Variants in SHANK2 observed in about 807,000 individuals in gnomAD.
SHANK2 encodes SH3 and multiple ankyrin repeat domains 2.
In SHANK2, 43 loss-of-function variants were observed where a neutral mutation model predicts 133.7. The observed-to-expected ratio is 0.32, with a 90% CI of 0.25 to 0.41. The LOEUF (loss-of-function observed/expected upper bound fraction) is 0.41. Among genes scored for constraint, SHANK2 ranks in the 10% least tolerant of loss-of-function variants. The pLI, the probability that SHANK2 is intolerant of heterozygous loss-of-function variation, is 1.00. For synonymous variants in SHANK2, 1,017 were observed against 952.8 expected (o/e 1.07, Z -1.24); for missense variants, 1,994 against 2,235.8 (o/e 0.89, Z 2.18).
intron 14 of SHANK2, among the ~76,000 whole-genome samples, chr11:70,781,558 T>TATATATATATATATATATATA (rs1555045157): frequency 6.9e-5 from 2 of 28,968 alleles, no homozygotes; most frequent in African/African-American, 1.0e-4. Context: ...TACTTACTTA[T>TATATATATATATATATATATA]TATATATATA....
intron 2 of SHANK2, among the ~76,000 whole-genome samples, chr11:71,156,039 G>A (rs1590969505): frequency 2.0e-5 from 3 of 152,350 alleles, no homozygotes; most frequent in Admixed American, 2.0e-4. Context: ...CATGCGCACA[G>A]AGGGATGATC....
chr11:70,839,578 C>G (rs1235252812), intron 11 of SHANK2, among the ~76,000 whole-genome samples: 3 of 152,210 alleles, frequency 2.0e-5, no homozygotes, highest in South Asian at 4.1e-4. Flanking sequence ...TCCTTATACC[C>G]CATCAGGAAA....
intron 11 of SHANK2, among the ~76,000 whole-genome samples, chr11:70,876,468 G>A (rs1024556201): frequency 3.7e-4 from 56 of 151,386 alleles, no homozygotes; most frequent in African/African-American, 1.3e-3. Flanking sequence ...GCTGAGGCAG[G>A]AAGATGGCAT....
intron 15 of SHANK2, among the ~76,000 whole-genome samples, chr11:70,663,358 C>A (rs1409410103): frequency 6.6e-6 from 1 of 152,082 alleles, no homozygotes; most frequent in Non-Finnish European, 1.5e-5. Context: ...ACGGGGCAAA[C>A]GTGGATGACA....
At chr11:70,568,940 G>T (rs992865670) in intron 17 of SHANK2, among the ~76,000 whole-genome samples, 16 of 152,286 alleles carry the variant, frequency 1.1e-4, no homozygotes, top group African/African-American at 3.6e-4. Context: ...CAAGAGTGCA[G>T]CTGTGTGGCC....
intron 6 of SHANK2, among the ~76,000 whole-genome samples, chr11:71,094,906 A>G (rs563689007): frequency 6.6e-6 from 1 of 152,354 alleles, no homozygotes; most frequent in African/African-American, 2.4e-5. Flanking sequence ...CACGCGTACA[A>G]CACAGCGGTG....
chr11:70,824,911 T>C (rs782807029), intron 11 of SHANK2, among the ~76,000 whole-genome samples: 2 of 152,144 alleles, frequency 1.3e-5, no homozygotes, highest in Non-Finnish European at 2.9e-5. Context: ...GAAGACTGTA[T>C]TGGTGTGAGA....
chr11:70,502,753 C>CCCCAA, intron 18 of SHANK2, 43 bp downstream of exon 18: 1 of 1,390,686 alleles, frequency 7.2e-7, no homozygotes, highest in Admixed American at 2.1e-5. Flanking sequence ...CCCCCCCCCC[C>CCCCAA]AGTAGGGCCC....
At chr11:71,100,152 C>G (rs559777894) in intron 6 of SHANK2, among the ~76,000 whole-genome samples, 2 of 152,076 alleles carry the variant, frequency 1.3e-5, no homozygotes, top group South Asian at 4.2e-4. Context: ...CAGGAACTCT[C>G]ATCATTGCCA....
rs547707677 is a variant in SHANK2 at position 71,169,174 on chromosome 11, C to T, written c.-12-21836G>A. Among the ~76,000 whole-genome samples the T allele has an allele frequency of 5.3e-5, 8 of 152,244 alleles. No homozygotes were observed. In the South Asian group the frequency reaches 8.3e-4, roughly 16 times the overall value. On this transcript the variant is annotated intron_variant, in intron 2 of 25. Transcript: ENST00000601538. Reference sequence around the variant, plus strand: ...ACTTGGTTGGTTACAATGATGTGGTCGCCGTACTGGCTTATCCCATTGGAA... The same window carrying T: ...ACTTGGTTGGTTACAATGATGTGGTTGCCGTACTGGCTTATCCCATTGGAA...
chr11:70,696,479 C>T (rs1256824648), intron 15 of SHANK2, among the ~76,000 whole-genome samples: 3 of 152,206 alleles, frequency 2.0e-5, no homozygotes, highest in Non-Finnish European at 4.4e-5. Flanking sequence ...TCCACTTCTA[C>T]AGGCAGCCTT....
rs782101475 is a variant in SHANK2, at chr11:70,486,081, A to T, written c.4212T>A (p.Asp1404Glu). Residue 1404 changes from aspartate to glutamate, a missense_variant, in exon 25 of 26, where the codon GAT (aspartate) becomes GAA (glutamate). By Grantham distance (45) the Asp-to-Glu change is conservative (BLOSUM62 2). This residue lies in a region of SHANK2 where 797 missense variants were observed against 907.4 expected (regional missense o/e 0.88). Coordinates refer to ENST00000601538, the MANE Select transcript of SHANK2 (RefSeq NM_012309.5). The surrounding 1 kb of genome is among the most constrained non-coding windows in gnomAD (Gnocchi z 8.0). ...GAGGCAATGGCTCTGTAAAAATAAA[A>T]TCCTCATCCAAGTCCACGGATGCCA... ...PPLASVDLDE[D>E]FIFTEPLPPP... The T allele has an allele frequency of 6.2e-7, 1 of 1,614,016 alleles. No homozygotes were observed. The highest frequency in any genetic ancestry group is 1.1e-5 in the South Asian group (1 of 91,076).
intron 10 of SHANK2, among the ~76,000 whole-genome samples, chr11:70,903,998 A>G (rs956067687): frequency 1.3e-5 from 2 of 152,052 alleles, no homozygotes; most frequent in Non-Finnish European, 2.9e-5. Flanking sequence ...CAGACCCTCG[A>G]CCTGGTGCTT....
chr11:71,213,704 T>A (rs1591026240), intron 2 of SHANK2, among the ~76,000 whole-genome samples: 1 of 152,310 alleles, frequency 6.6e-6, no homozygotes, highest in East Asian at 1.9e-4. Flanking sequence ...CTGATCTTCC[T>A]TCTACAAACA....
intron 17 of SHANK2, among the ~76,000 whole-genome samples, chr11:70,607,806 G>A (rs538334333): frequency 1.3e-4 from 20 of 152,368 alleles, no homozygotes; most frequent in African/African-American, 4.3e-4. Context: ...GGCCAGTTCC[G>A]AGAGTTGGGG....
chr11:71,211,457 C>T (rs1248494397), intron 2 of SHANK2, among the ~76,000 whole-genome samples: 1 of 151,786 alleles, frequency 6.6e-6, no homozygotes, highest in Non-Finnish European at 1.5e-5. Context: ...AGAATCACTT[C>T]AGCTAGGGAG....
At chr11:71,084,119 G>C (rs1214845937) in intron 8 of SHANK2, among the ~76,000 whole-genome samples, 1 of 151,992 alleles carries the variant, frequency 6.6e-6, no homozygotes, top group African/African-American at 2.4e-5. Context: ...ACAGGCACCA[G>C]CCATCACTTG....
At position 70,546,206 on chromosome 11, in the gene SHANK2, T is replaced by G. The variant is rs1480770959; in HGVS notation, c.2062-43275A>C. 2.6e-5 allele frequency among the ~76,000 whole-genome samples: 4 copies of G among 151,230 alleles called. No individual in the cohort carries two copies. The East Asian group carries it at 7.8e-4, about 29-fold the overall frequency. ...CGCCCGCCTCGGCCTCCCAAAGTGC[T>G]GGAATCACAGGTGTGAACCACTGCG... is the stretch of plus-strand genomic sequence containing the variant. On this transcript the variant is annotated intron_variant, in intron 17 of 25. Transcript: ENST00000601538.
chr11:70,719,755 C>G (rs1555028532), intron 14 of SHANK2, among the ~76,000 whole-genome samples: 1 of 151,494 alleles, frequency 6.6e-6, no homozygotes, highest in African/African-American at 2.4e-5. Context: ...CCGCGCTCCC[C>G]TGCTCCAGCA....
Sources: allele counts gnomAD v4.1 joint callset (sites outside exome capture counted in the v4.1 genomes callset), GRCh38; gene constraint gnomAD v4.1.1; regional missense constraint gnomAD v4.1.1; non-coding constraint Gnocchi (gnomAD v3.1); transcripts MANE v1.5; gene names NCBI Gene and HGNC (gene_info 2026-07-23, HGNC 2026-07-21).